The following TSBP1 variants were observed in gnomAD, a reference collection of about 807,000 sequenced individuals.
The protein encoded by TSBP1 is testis-expressed basic protein 1.
TSBP1 carries 56 observed loss-of-function variants against 68.8 expected under a neutral mutation model. The observed-to-expected ratio is 0.81, with a 90% CI of 0.66 to 1.02. TSBP1 has a LOEUF of 1.02. TSBP1 is among the 50% of genes least tolerant of loss of function. The probability of loss-of-function intolerance (pLI) is 0.00; values close to 1 mark genes in which losing one functional copy is unlikely to be tolerated. For synonymous variants in TSBP1, 171 were observed against 208.7 expected (o/e 0.82, Z 1.56); for missense variants, 502 against 641.2 (o/e 0.78, Z 2.34).
chr6:32,299,318 T>C (rs1403716087), intron 22 of TSBP1, among the ~76,000 whole-genome samples: 2 of 152,244 alleles, frequency 1.3e-5, no homozygotes, highest in African/African-American at 2.4e-5. Context: ...ACATAGTCAA[T>C]GCTCAATACC....
At chr6:32,360,233 C>CTTTTTTTTTTTTTTTTTTTTTTTTTTT (rs1328887962) in intron 6 of TSBP1, among the ~76,000 whole-genome samples, 85 of 152,178 alleles carry the variant, frequency 5.6e-4, no homozygotes, top group Non-Finnish European at 1.0e-3. Context: ...CTGAGTTCAA[C>CTTTTTTTTTTTTTTTTTTTTTTTTTTT]TTTTTAAGGT....
At chr6:32,312,783 C>G (rs571292087) in intron 19 of TSBP1, among the ~76,000 whole-genome samples, 2 of 151,770 alleles carry the variant, frequency 1.3e-5, no homozygotes, top group African/African-American at 4.8e-5. Flanking sequence ...GTTGGCTTTG[C>G]CCCCAAAATA....
At chr6:32,324,587 A>G in intron 16 of TSBP1, 4 of 1,538,104 alleles carry the variant, frequency 2.6e-6, no homozygotes, top group Non-Finnish European at 3.5e-6. Flanking sequence ...ATATGGGCAG[A>G]TAAAGACTCT....
chr6:32,309,668 A>T (rs1220545419), intron 19 of TSBP1, among the ~76,000 whole-genome samples: 2 of 152,192 alleles, frequency 1.3e-5, no homozygotes, highest in Non-Finnish European at 2.9e-5. Context: ...GTACACTCAT[A>T]CAATGTGTAA....
chr6:32,342,778 C>T (rs1770524651), intron 9 of TSBP1, among the ~76,000 whole-genome samples: 1 of 152,124 alleles, frequency 6.6e-6, no homozygotes, highest in South Asian at 2.1e-4. Context: ...TTTCCTAAGC[C>T]TACAGTCAGA....
At position 32,302,775 on chromosome 6, in the gene TSBP1, G is replaced by C. The variant is rs981441463; in HGVS notation, c.581-146C>G. 6 of 616,558 alleles carry C rather than the reference G, an allele frequency of 9.7e-6. No homozygotes were observed. Among genetic ancestry groups the C allele is most frequent in the African/African-American group, 2.0e-5 (1 of 51,160 alleles). The allele number at this position is 616,558 out of a possible 1,614,324, so 38.2% of individuals were successfully genotyped here. On this transcript the variant is annotated intron_variant, in intron 19 of 22. Transcript: ENST00000612031. The surrounding 1 kb of genome is among the most constrained non-coding windows in gnomAD (Gnocchi z 5.1). ...TACAATGAAATATGATGAGACAACA[G>C]ATCCCTTAGTGTGTTATAAGAACCT...
chr6:32,335,459 T>TAAAA lies in TSBP1; in HGVS notation c.452-6_452-3dup. ...TACCAATGGTTTTTTGAGAGAGCTC[T>TAAAA]AAAAAAAAAAGAGAAAAGAAATCAG... On this transcript the variant is annotated splice_polypyrimidine_tract_variant and splice_region_variant and intron_variant, in intron 13 of 22. Coordinates refer to ENST00000612031, the Ensembl canonical transcript of TSBP1. This position sits in a 1 kb window ranked among gnomAD's most constrained non-coding sequence, Gnocchi z 5.5. The TAAAA allele has an allele frequency of 2.2e-6, 3 of 1,335,704 alleles. No homozygotes were observed. Among genetic ancestry groups the TAAAA allele is most frequent in the Non-Finnish European group, 2.0e-6 (2 of 1,002,586 alleles). 82.7% of individuals were successfully genotyped at this position (1,335,704 alleles called of 1,614,324 possible).
chr6:32,332,596 GT>G (rs199644787), intron 14 of TSBP1, among the ~76,000 whole-genome samples: 5 of 150,644 alleles, frequency 3.3e-5, no homozygotes, highest in Admixed American at 6.6e-5. Context: ...AAAACCTTCT[GT>G]TTTTTTTTGT....
At position 32,316,408 on chromosome 6, in the gene TSBP1, A is replaced by G; in HGVS notation, c.560-616T>C. 1 of 1,559,058 alleles carries G rather than the reference A, an allele frequency of 6.4e-7. No homozygotes were observed. Among genetic ancestry groups the G allele is most frequent in the Non-Finnish European group, 8.7e-7 (1 of 1,150,376 alleles). On this transcript the variant is annotated intron_variant, in intron 18 of 22. Coordinates refer to ENST00000612031, the Ensembl canonical transcript of TSBP1. The surrounding 1 kb of genome is among the most constrained non-coding windows in gnomAD (Gnocchi z 4.5). ...GTAATACTTACTTATAGGTGCTGCCAGCTGACCTAAAAAAATTAGATATCA... is the reference window on the plus strand; with the variant it reads ...GTAATACTTACTTATAGGTGCTGCCGGCTGACCTAAAAAAATTAGATATCA...
At chr6:32,311,929 G>C (rs1358522500) in intron 19 of TSBP1, among the ~76,000 whole-genome samples, 3 of 152,130 alleles carry the variant, frequency 2.0e-5, no homozygotes, top group Non-Finnish European at 4.4e-5. Context: ...AAGGATTCTT[G>C]AGCCTCCTGA....
chr6:32,333,304 T>TCGAAA lies in TSBP1; in HGVS notation c.473-1251_473-1250insTTTCG, dbSNP rs1240284731. Among the ~76,000 whole-genome samples the TCGAAA allele has an allele frequency of 3.1e-4, 47 of 152,242 alleles. 1 individual carries two copies. Among genetic ancestry groups the TCGAAA allele is most frequent in the African/African-American group, 1.1e-3 (46 of 41,556 alleles). ...GGATTACTGCACCCAGCCGAAAGCC[T>TCGAAA]GTTATGTTATTTAGCAACACTGCTT... is the stretch of plus-strand genomic sequence containing the variant. On this transcript the variant is annotated intron_variant, in intron 14 of 22. Transcript: ENST00000612031. This position sits in a 1 kb window ranked among gnomAD's most constrained non-coding sequence, Gnocchi z 4.2.
chr6:32,331,645 C>T (rs1022033429), intron 15 of TSBP1, among the ~76,000 whole-genome samples: 1 of 152,188 alleles, frequency 6.6e-6, no homozygotes, highest in African/African-American at 2.4e-5. Flanking sequence ...TCTGCAGGAA[C>T]AAGGGCCAGA....
intron 1 of TSBP1, among the ~76,000 whole-genome samples, chr6:32,370,407 GTATATATATATATA>G (rs9279612): frequency 0.084 from 10,934 of 130,556 alleles, 609 homozygotes; most frequent in South Asian, 0.13. Flanking sequence ...AAGATTTTCT[GTATATATATATATA>G]TATATATATA....
intron 6 of TSBP1, among the ~76,000 whole-genome samples, chr6:32,362,859 G>A (rs1773219744): frequency 6.6e-6 from 1 of 152,102 alleles, no homozygotes; most frequent in Non-Finnish European, 1.5e-5. Context: ...TTTGCATATG[G>A]ATATCCGGTT....
At chr6:32,310,841 C>T (rs529220016) in intron 19 of TSBP1, among the ~76,000 whole-genome samples, 5 of 151,384 alleles carry the variant, frequency 3.3e-5, no homozygotes, top group East Asian at 1.9e-4. Context: ...TCCAGCCTTT[C>T]GTGGCCTTTT....
intron 6 of TSBP1, among the ~76,000 whole-genome samples, chr6:32,363,641 A>G (rs1313510231): frequency 2.0e-5 from 3 of 151,306 alleles, no homozygotes; most frequent in Admixed American, 6.6e-5. Context: ...AAAACTCTAC[A>G]TATTATTCTC....
At position 32,315,020 on chromosome 6, in the gene TSBP1, T is replaced by C. The variant is rs1249914120; in HGVS notation, c.580+752A>G. On this transcript the variant is annotated intron_variant, in intron 19 of 22. Transcript: ENST00000612031. This position sits in a 1 kb window ranked among gnomAD's most constrained non-coding sequence, Gnocchi z 5.4. ...CTTTTGGCATCTGCGTTTTTAACCT[T>C]GACAGGAACTTTGGGTTTTAATATT... Among the ~76,000 whole-genome samples, 2 of 152,192 alleles carry C rather than the reference T, an allele frequency of 1.3e-5. No individual in the cohort carries two copies. The highest frequency in any genetic ancestry group is 4.8e-5 in the African/African-American group (2 of 41,462).
chr6:32,327,875 T>C (rs4392743), intron 16 of TSBP1, among the ~76,000 whole-genome samples: 9,463 of 151,580 alleles, frequency 0.062, 457 homozygotes, highest in Non-Finnish European at 0.11. Context: ...TACTGCAAGC[T>C]CTGGCTCCTG....
At chr6:32,371,856 T>C (rs1215442996) in exon 1 of TSBP1, 3 of 799,584 alleles carry the variant, frequency 3.8e-6, no homozygotes, top group African/African-American at 1.7e-5. Context: ...ATGCAGAGGA[T>C]CACTGAGAAA....
Sources: gnomAD v4.1 joint callset for allele counts (sites outside exome capture counted in the v4.1 genomes callset) on GRCh38, gnomAD v4.1.1 for gene constraint, Gnocchi (gnomAD v3.1) non-coding constraint, MANE v1.5 for transcripts, NCBI Gene and HGNC (gene_info 2026-07-23, HGNC 2026-07-21) for gene names.